The following RAB7A variants were observed in gnomAD, a reference collection of about 807,000 sequenced individuals.
RAB7A encodes ras-related protein Rab-7a.
RAB7A carries 2 observed loss-of-function variants against 24.5 expected under a neutral mutation model. The ratio of observed to expected loss-of-function variants is 0.08; its 90% CI spans 0.03 to 0.26. The LOEUF is 0.26. Ranked by LOEUF, RAB7A falls within the 10% of genes least tolerant of loss-of-function variation. The pLI is 1.00. For synonymous variants in RAB7A, 100 were observed against 95.9 expected (o/e 1.04, Z -0.25); for missense variants, 118 against 255.7 (o/e 0.46, Z 3.67).
At chr3:128,764,828 T>C (rs2070812719) in intron 1 of RAB7A, 2 of 988,180 alleles carry the variant, frequency 2.0e-6, no homozygotes, top group Non-Finnish European at 3.2e-6. Flanking sequence ...GCATGTTCCC[T>C]CTCCTCATGA....
At chr3:128,797,144 G>C (rs932600349) in intron 2 of RAB7A, among the ~76,000 whole-genome samples, 1 of 152,176 alleles carries the variant, frequency 6.6e-6, no homozygotes, top group Non-Finnish European at 1.5e-5. Context: ...TTCGATTCCA[G>C]GTTTTGCCAC....
At chr3:128,776,291 G>T (rs955741444) in intron 1 of RAB7A, among the ~76,000 whole-genome samples, 16 of 151,590 alleles carry the variant, frequency 1.1e-4, no homozygotes, top group African/African-American at 3.9e-4. Flanking sequence ...TTTTTTACAG[G>T]CAGGGTCTCA....
Position 128,814,499 on chromosome 3 carries a change from T to C in RAB7A, c.*1077T>C, listed in dbSNP as rs1933997263. ...TGAAAGGAAAACCCTAACAGATCTG[T>C]CCTAGTGATTTTACCTTTGTTCTAG... On this transcript the variant is annotated 3_prime_UTR_variant, in exon 6 of 6. Coordinates refer to ENST00000265062, the MANE Select transcript of RAB7A (RefSeq NM_004637.6). 6.6e-6 allele frequency: 1 copy of C among 152,630 alleles called. No individual in the cohort carries two copies. Among genetic ancestry groups the C allele is most frequent in the Non-Finnish European group, 1.5e-5 (1 of 68,026 alleles). 9.5% of individuals were successfully genotyped at this position (152,630 alleles called of 1,614,324 possible).
Position 128,798,142 on chromosome 3 carries a change from A to G in RAB7A, c.180+73A>G, listed in dbSNP as rs1461951128. 3.2e-6 allele frequency: 5 copies of G among 1,554,224 alleles called. No homozygotes were observed. In the African/African-American group the frequency reaches 6.8e-5, roughly 21 times the overall value. On this transcript the variant is annotated intron_variant, in intron 3 of 5. Coordinates refer to ENST00000265062, the MANE Select transcript of RAB7A (RefSeq NM_004637.6). ...AGTCTTAATCTTTCCTCATGCATAGACATTTTCCTTCCCTGTTCTTCAAAT... is the reference window on the plus strand; with the variant it reads ...AGTCTTAATCTTTCCTCATGCATAGGCATTTTCCTTCCCTGTTCTTCAAAT...
rs77097303 is a variant in RAB7A, at chr3:128,726,721, G to T, written c.-9+362G>T. On this transcript the variant is annotated intron_variant, in intron 1 of 5. Coordinates refer to ENST00000265062, the MANE Select transcript of RAB7A (RefSeq NM_004637.6). ...GAGTTCCTTAGCGCGGCGAGCAGGA[G>T]GGTGTCAGAGCCCACGCCGCCCGCC... is the stretch of plus-strand genomic sequence containing the variant. Among the ~76,000 whole-genome samples, 3 of 152,320 alleles carry T rather than the reference G, an allele frequency of 2.0e-5. No homozygotes were observed. In the East Asian group the frequency reaches 5.8e-4, roughly 29 times the overall value.
At chr3:128,800,726 C>T (rs1933680493) in intron 3 of RAB7A, among the ~76,000 whole-genome samples, 1 of 152,204 alleles carries the variant, frequency 6.6e-6, no homozygotes. Context: ...AGACGGGCAG[C>T]ACAGTGTTCT....
At chr3:128,800,716 A>G (rs1044036023) in intron 3 of RAB7A, among the ~76,000 whole-genome samples, 1 of 152,222 alleles carries the variant, frequency 6.6e-6, no homozygotes, top group African/African-American at 2.4e-5. Flanking sequence ...GTTGGGAAAG[A>G]GACGGGCAGC....
At chr3:128,746,329 G>C (rs543020111) in intron 1 of RAB7A, among the ~76,000 whole-genome samples, 13 of 152,126 alleles carry the variant, frequency 8.5e-5, no homozygotes, top group African/African-American at 2.7e-4. Flanking sequence ...CTAGAGTGCA[G>C]TGGCTCAATC....
intron 1 of RAB7A, among the ~76,000 whole-genome samples, chr3:128,793,898 T>C (rs1052223803): frequency 1.3e-5 from 2 of 152,198 alleles, no homozygotes; most frequent in Non-Finnish European, 2.9e-5. Context: ...TCATGGGACC[T>C]GGGGTGTGTG....
At chr3:128,771,487 T>A (rs1016674704) in intron 1 of RAB7A, among the ~76,000 whole-genome samples, 2 of 152,244 alleles carry the variant, frequency 1.3e-5, no homozygotes, top group Non-Finnish European at 2.9e-5. Context: ...GGTGGTGAGA[T>A]ATTATGCTTA....
At chr3:128,733,150 G>A (rs2070455002) in intron 1 of RAB7A, among the ~76,000 whole-genome samples, 1 of 152,154 alleles carries the variant, frequency 6.6e-6, no homozygotes, top group Admixed American at 6.5e-5. Flanking sequence ...ATAAGTGGAC[G>A]GCTTAGAGAA....
intron 1 of RAB7A, among the ~76,000 whole-genome samples, chr3:128,740,830 G>A (rs923069074): frequency 1.4e-5 from 2 of 144,774 alleles, no homozygotes; most frequent in African/African-American, 2.5e-5. Flanking sequence ...GAGCCCAGGA[G>A]GTTGAGGCTA....
At chr3:128,740,420 A>G (rs1263160473) in intron 1 of RAB7A, among the ~76,000 whole-genome samples, 1 of 152,188 alleles carries the variant, frequency 6.6e-6, no homozygotes, top group Non-Finnish European at 1.5e-5. Context: ...TTTCCTTAAG[A>G]TTTAGTGAGT....
chr3:128,778,096 A>G (rs957567224), intron 1 of RAB7A, among the ~76,000 whole-genome samples: 2 of 152,188 alleles, frequency 1.3e-5, no homozygotes, highest in African/African-American at 4.8e-5. Context: ...AGGGCTATAA[A>G]TTGAGTCTTG....
chr3:128,792,403 A>G (rs1209094072), intron 1 of RAB7A, among the ~76,000 whole-genome samples: 1 of 151,336 alleles, frequency 6.6e-6, no homozygotes, highest in African/African-American at 2.4e-5. Flanking sequence ...CTTTTTATCT[A>G]TTTTCTTTTT....
chr3:128,759,957 G>A (rs997615977), intron 1 of RAB7A, among the ~76,000 whole-genome samples: 1 of 152,164 alleles, frequency 6.6e-6, no homozygotes, highest in East Asian at 1.9e-4. Context: ...TGATCTGCCT[G>A]CCTCGGCCTC....
intron 1 of RAB7A, among the ~76,000 whole-genome samples, chr3:128,768,800 C>T (rs1184397433): frequency 6.6e-6 from 1 of 151,318 alleles, no homozygotes; most frequent in East Asian, 1.9e-4. Context: ...CAGCTTCAGC[C>T]TTTCCACCTT....
At chr3:128,806,323 G>A (rs1338437571) in intron 3 of RAB7A, 49 bp from the exon 4 acceptor site, 1 of 1,537,780 alleles carries the variant, frequency 6.5e-7, no homozygotes, top group Non-Finnish European at 8.9e-7. Context: ...CATGCTCCTG[G>A]TGCTCTGCCT....
At position 128,806,677 on chromosome 3, in the gene RAB7A, T is replaced by C. The variant is rs1933810836; in HGVS notation, c.399+87T>C. On this transcript the variant is annotated intron_variant, in intron 4 of 5. Coordinates refer to ENST00000265062, the MANE Select transcript of RAB7A (RefSeq NM_004637.6). ...TGGAGGGTTCTCTGCTAAGCTCACA[T>C]GGCTCTAGGAGGTGCTGGTGGGAGT... is the stretch of plus-strand genomic sequence containing the variant. 2.3e-6 allele frequency: 3 copies of C among 1,322,684 alleles called. No individual in the cohort carries two copies. In the African/African-American group the frequency reaches 4.4e-5, roughly 19 times the overall value. 81.9% of individuals were successfully genotyped at this position (1,322,684 alleles called of 1,614,324 possible).
Sources: allele counts gnomAD v4.1 joint callset (sites outside exome capture counted in the v4.1 genomes callset), GRCh38; gene constraint gnomAD v4.1.1; transcripts MANE v1.5; gene names NCBI Gene and HGNC (gene_info 2026-07-23, HGNC 2026-07-21).